The following DAB1 variants were observed in gnomAD, a reference collection of about 807,000 sequenced individuals.
DAB1 encodes disabled homolog 1.
DAB1 carries 15 observed loss-of-function variants against 64.6 expected under a neutral mutation model. The observed-to-expected ratio is 0.23, with a 90% CI of 0.16 to 0.36. DAB1 has a LOEUF of 0.36. Ranked by LOEUF, DAB1 falls within the 10% of genes least tolerant of loss-of-function variation. DAB1 has a pLI of 1.00. For synonymous variants in DAB1, 235 were observed against 251.9 expected (o/e 0.93, Z 0.64); for missense variants, 596 against 706.7 (o/e 0.84, Z 1.78).
intron 9 of DAB1, among the ~76,000 whole-genome samples, chr1:57,051,051 C>A (rs1537494): frequency 6.6e-5 from 10 of 152,086 alleles, no homozygotes; most frequent in Admixed American, 5.2e-4. Flanking sequence ...GGAGGAGAGG[C>A]GAAACCAAAT....
intron 3 of DAB1, among the ~76,000 whole-genome samples, chr1:57,140,738 C>A (rs191475789): frequency 3.0e-4 from 45 of 152,106 alleles, no homozygotes; most frequent in Admixed American, 7.9e-4. Flanking sequence ...ACTTTTGAGA[C>A]CTAATATTGA....
chr1:58,387,010 A>C lies in DAB1; in HGVS notation n.258-43607T>G, dbSNP rs564452577. 3.7e-4 allele frequency among the ~76,000 whole-genome samples: 57 copies of C among 152,332 alleles called. 1 individual carries two copies. The highest frequency in any genetic ancestry group is 2.1e-3 in the South Asian group (10 of 4,830). ...GGGAGGCAGAAGTTGTGGTGAGCCA[A>C]GATCATGCCATTGCACTCCAGCCTG... is the stretch of plus-strand genomic sequence containing the variant. On this transcript the variant is annotated intron_variant and non_coding_transcript_variant, in intron 3 of 20. Coordinates refer to the DAB1 transcript ENST00000485760.
At chr1:57,197,075 C>T (rs150019091) in intron 2 of DAB1, among the ~76,000 whole-genome samples, 88 of 152,288 alleles carry the variant, frequency 5.8e-4, no homozygotes, top group Admixed American at 1.6e-3. Flanking sequence ...GTGGCTAACG[C>T]CTGTAATCCC....
At chr1:57,564,752 C>A (rs537499967) in intron 7 of DAB1, among the ~76,000 whole-genome samples, 65 of 152,262 alleles carry the variant, frequency 4.3e-4, no homozygotes, top group Admixed American at 1.6e-3. Context: ...TGAACAAAGC[C>A]TCCAAGAAAT....
chr1:58,072,085 T>TA (rs1553157684), intron 5 of DAB1, among the ~76,000 whole-genome samples: 1 of 82,200 alleles, frequency 1.2e-5, no homozygotes, highest in Non-Finnish European at 2.3e-5. Flanking sequence ...ATTGGTGGGG[T>TA]GGGGGGGGGT....
intron 4 of DAB1, among the ~76,000 whole-genome samples, chr1:57,082,305 A>C (rs866346657): frequency 6.6e-6 from 1 of 152,156 alleles, no homozygotes; most frequent in Non-Finnish European, 1.5e-5. Context: ...GAGCACTTCA[A>C]TGACTTAACT....
At chr1:58,173,447 C>G (rs539211940) in intron 4 of DAB1, among the ~76,000 whole-genome samples, 2 of 152,294 alleles carry the variant, frequency 1.3e-5, no homozygotes, top group African/African-American at 4.8e-5. Flanking sequence ...CCCTGCATGA[C>G]CATTCACCCC....
chr1:57,016,062 G>C (rs1486116480), intron 11 of DAB1, among the ~76,000 whole-genome samples: 1 of 152,160 alleles, frequency 6.6e-6, no homozygotes, highest in Non-Finnish European at 1.5e-5. Flanking sequence ...ATCTCACTGG[G>C]TTGATTTGAA....
intron 5 of DAB1, among the ~76,000 whole-genome samples, chr1:57,999,277 C>T (rs986001477): frequency 6.6e-6 from 1 of 152,176 alleles, no homozygotes; most frequent in African/African-American, 2.4e-5. Context: ...TACTGAAGAT[C>T]AGCCAGGTTA....
intron 1 of DAB1, among the ~76,000 whole-genome samples, chr1:57,348,859 G>A (rs1020061187): frequency 6.6e-6 from 1 of 152,130 alleles, no homozygotes; most frequent in Non-Finnish European, 1.5e-5. Flanking sequence ...AGACTCCAAA[G>A]TTCTCCAAGA....
chr1:58,180,899 T>G lies in DAB1; in HGVS notation n.310-30311A>C, dbSNP rs560535896. On this transcript the variant is annotated intron_variant and non_coding_transcript_variant, in intron 4 of 20. Transcript: ENST00000485760. The stretch of plus-strand genomic sequence containing the variant: ...TGTTTTATGCTCTATCACATATCTA[T>G]TCTAAATAATTGTTTTATGTGTGCT... 2.6e-5 allele frequency among the ~76,000 whole-genome samples: 4 copies of G among 152,308 alleles called. No homozygotes were observed. In the East Asian group the frequency reaches 5.8e-4, roughly 22 times the overall value.
At chr1:57,342,927 G>C (rs376104537) in intron 1 of DAB1, among the ~76,000 whole-genome samples, 74 of 152,330 alleles carry the variant, frequency 4.9e-4, no homozygotes, top group African/African-American at 1.8e-3. Context: ...CAAAGAGTGA[G>C]CAGCAGCAAG....
intron 7 of DAB1, among the ~76,000 whole-genome samples, chr1:57,611,199 G>A (rs547706237): frequency 6.2e-5 from 8 of 129,132 alleles, no homozygotes; most frequent in South Asian, 2.8e-4. Flanking sequence ...TCAGGCACCC[G>A]GCATAGGCAG....
chr1:57,848,133 ATCCTT>A (rs774747908), intron 1 of DAB1, among the ~76,000 whole-genome samples: 1 of 152,232 alleles, frequency 6.6e-6, no homozygotes, highest in African/African-American at 2.4e-5. Context: ...AAGAATGCAT[ATCCTT>A]TCAAGACATG....
At chr1:58,375,947 T>C (rs1041902148) in intron 3 of DAB1, among the ~76,000 whole-genome samples, 19 of 146,144 alleles carry the variant, frequency 1.3e-4, no homozygotes, top group African/African-American at 4.3e-4. Flanking sequence ...CCATTTCTTC[T>C]AGATTTTCTA....
chr1:58,060,981 C>A (rs533838299), intron 5 of DAB1, among the ~76,000 whole-genome samples: 1 of 152,312 alleles, frequency 6.6e-6, no homozygotes, highest in East Asian at 1.9e-4. Flanking sequence ...GTGCTGCCAG[C>A]AAGAAGGATG....
chr1:58,102,591 A>G (rs1651387784), intron 5 of DAB1, among the ~76,000 whole-genome samples: 1 of 152,240 alleles, frequency 6.6e-6, no homozygotes, highest in African/African-American at 2.4e-5. Context: ...CAGAGAAAGT[A>G]GAGATGTCAT....
At chr1:57,179,535 A>G (rs1662688089) in intron 2 of DAB1, among the ~76,000 whole-genome samples, 1 of 152,232 alleles carries the variant, frequency 6.6e-6, no homozygotes, top group Non-Finnish European at 1.5e-5. Flanking sequence ...CCCTGATTTA[A>G]ATGGCAGATC....
intron 2 of DAB1, among the ~76,000 whole-genome samples, chr1:57,189,856 A>C (rs549731456): frequency 9.5e-4 from 144 of 151,970 alleles, no homozygotes; most frequent in Non-Finnish European, 1.6e-3. Context: ...AAAAAAAAAA[A>C]AAAACACAAC....
Sources: allele counts gnomAD v4.1 joint callset (sites outside exome capture counted in the v4.1 genomes callset), GRCh38; gene constraint gnomAD v4.1.1; transcripts MANE v1.5; gene names NCBI Gene and HGNC (gene_info 2026-07-23, HGNC 2026-07-21).